LIFR: variants seen among roughly 807,000 people sequenced by gnomAD.
LIFR encodes leukemia inhibitory factor receptor.
In LIFR, 84 loss-of-function variants were observed where a neutral mutation model predicts 122.2. The observed-to-expected ratio is 0.69, with a 90% CI of 0.58 to 0.82. The LOEUF (loss-of-function observed/expected upper bound fraction) is 0.82. LIFR is among the 40% of genes least tolerant of loss of function. The probability of loss-of-function intolerance (pLI) is 0.00; values close to 1 mark genes in which losing one functional copy is unlikely to be tolerated. For missense variants in LIFR, 1,294 were observed against 1,311.6 expected, an observed-to-expected ratio of 0.99 and a Z score of 0.21; for synonymous variants, 422 against 434.7, an observed-to-expected ratio of 0.97 and a Z score of 0.36.
chr5:38,510,638 T>A lies in LIFR; in HGVS notation c.817A>T (p.Ser273Cys). 1 of 1,613,986 alleles carries A rather than the reference T, an allele frequency of 6.2e-7. No homozygotes were observed. The highest frequency in any genetic ancestry group is 8.5e-7 in the Non-Finnish European group (1 of 1,179,914). Residue 273 changes from serine (S) to cysteine (C), a missense_variant, in exon 7 of 20, where the codon AGT becomes TGT. Coordinates refer to ENST00000453190, the MANE Select transcript of LIFR (RefSeq NM_001127671.2). Reference sequence around the variant, plus strand: ...AGTGCTGATAACACTTTTTCTTGACTCACACAACAAAATGTTATGTCTGAG... The same window carrying A: ...AGTGCTGATAACACTTTTTCTTGACACACACAACAAAATGTTATGTCTGAG... ...VGSDITFCCV[S>C]QEKVLSALIG...
intron 1 of LIFR, among the ~76,000 whole-genome samples, chr5:38,581,890 T>A (rs886278430): frequency 6.6e-6 from 1 of 152,060 alleles, no homozygotes; most frequent in African/African-American, 2.4e-5. Context: ...CCACCACACA[T>A]TCCTCCTTTT....
In LIFR at chr5:38,528,595, C is replaced by T. The variant is rs113614932; in HGVS notation, c.257+131G>A. 2.0e-3 allele frequency: 1,450 copies of T among 714,066 alleles called. 17 individuals are homozygous for T. The highest frequency in any genetic ancestry group is 0.017 in the South Asian group (1,069 of 63,410). The allele number at this position is 714,066 out of a possible 1,614,324, so 44.2% of individuals were successfully genotyped here. A position where few individuals can be genotyped will look rare whatever the true frequency, so the allele number is the denominator to read the frequency against. On this transcript the variant is annotated intron_variant, in intron 3 of 19. Coordinates refer to ENST00000453190, the MANE Select transcript of LIFR (RefSeq NM_001127671.2). ...CAGGAGAAAAATGAGGCAGAGGTCA[C>T]GGCAGACTCTGCTGGACACAGAACA...
intron 1 of LIFR, among the ~76,000 whole-genome samples, chr5:38,555,764 G>A (rs928628158): frequency 1.3e-5 from 2 of 152,110 alleles, no homozygotes; most frequent in African/African-American, 4.8e-5. Flanking sequence ...TGTAAATTCA[G>A]AACACGTGAT....
rs955722897 is a variant in LIFR, at chr5:38,478,225, G to A, written c.*3370C>T. On this transcript the variant is annotated 3_prime_UTR_variant, in exon 20 of 20. Transcript: ENST00000453190. ...TTTCCAACAAGAATACAATATGCATGAAGTTTTGAAAATGTGACTTTTTAC... is the reference window on the plus strand; with the variant it reads ...TTTCCAACAAGAATACAATATGCATAAAGTTTTGAAAATGTGACTTTTTAC... The A allele has an allele frequency of 5.8e-5, 12 of 206,702 alleles. No homozygotes were observed. Among genetic ancestry groups the A allele is most frequent in the African/African-American group, 2.7e-4 (12 of 43,834 alleles). The allele number at this position is 206,702 out of a possible 1,614,324, so 12.8% of individuals were successfully genotyped here.
upstream of LIFR, among the ~76,000 whole-genome samples, chr5:38,559,586 A>G (rs564355814): frequency 2.2e-4 from 33 of 152,360 alleles, no homozygotes; most frequent in Non-Finnish European, 3.7e-4. Context: ...AATAAGTATC[A>G]GAACAAGAAC....
chr5:38,522,139 C>T lies in LIFR; in HGVS notation c.561+1280G>A, dbSNP rs139702149. Among the ~76,000 whole-genome samples the T allele has an allele frequency of 3.3e-5, 5 of 152,314 alleles. No individual in the cohort carries two copies. The East Asian group carries it at 5.8e-4, about 18-fold the overall frequency. ...TAGCCATAGGCATGCAAGTGGGGAA[C>T]GCACAATTTGCATTCTAGTCTCAGT... On this transcript the variant is annotated intron_variant, in intron 5 of 19. Coordinates refer to ENST00000453190, the MANE Select transcript of LIFR (RefSeq NM_001127671.2).
rs756149177 is a variant in LIFR at position 38,482,181 on chromosome 5, C to T, written c.2708G>A (p.Cys903Tyr). The change falls in exon 20 of 20, where the codon TGT becomes TAT. Residue 903 changes from cysteine (C) to tyrosine (Y), a missense_variant. Coordinates refer to ENST00000453190, the MANE Select transcript of LIFR (RefSeq NM_001127671.2). Reference protein sequence around the residue: ...SALKTLEMNPCTPNNVEVLET... With the variant: ...SALKTLEMNPYTPNNVEVLET... ...CAGAACCTCAACATTATTTGGGGTA[C>T]AAGGATTCATTTCCAATGTTTTAAG... 6 of 1,596,082 alleles carry T rather than the reference C, an allele frequency of 3.8e-6. No individual in the cohort carries two copies. The highest frequency in any genetic ancestry group is 1.2e-5 in the South Asian group (1 of 86,858).
intron 1 of LIFR, among the ~76,000 whole-genome samples, chr5:38,565,617 C>T (rs1430240899): frequency 1.4e-5 from 2 of 144,430 alleles, no homozygotes; most frequent in East Asian, 2.0e-4. Context: ...GACGGAGTTT[C>T]GCTCTTGTTG....
upstream of LIFR, among the ~76,000 whole-genome samples, chr5:38,598,522 A>G (rs922406291): frequency 6.6e-6 from 1 of 151,722 alleles, no homozygotes; most frequent in Non-Finnish European, 1.5e-5. Flanking sequence ...CACACTTTCA[A>G]TCTGGCTCCT....
Position 38,479,762 on chromosome 5 carries a change from A to G in LIFR, c.*1833T>C, listed in dbSNP as rs940778655. 48 of 231,666 alleles carry G rather than the reference A, an allele frequency of 2.1e-4. No homozygotes were observed. Among genetic ancestry groups the G allele is most frequent in the African/African-American group, 9.5e-4 (43 of 45,284 alleles). The allele number at this position is 231,666 out of a possible 1,614,324, so 14.4% of individuals were successfully genotyped here. ...GTCTGGGGTGGAAGCTAAGGGAAGGAGCCAAAGAGGATACAAAGGAAGACA... is the reference window on the plus strand; with the variant it reads ...GTCTGGGGTGGAAGCTAAGGGAAGGGGCCAAAGAGGATACAAAGGAAGACA... On this transcript the variant is annotated 3_prime_UTR_variant, in exon 20 of 20. Transcript: ENST00000453190.
At chr5:38,558,815 G>A (rs1748719999), upstream of LIFR, 1 of 152,230 alleles carries the variant, frequency 6.6e-6, no homozygotes, top group East Asian at 1.9e-4. Context: ...AGAACAACAC[G>A]GGAAAACTGT....
intron 1 of LIFR, among the ~76,000 whole-genome samples, chr5:38,544,378 G>C (rs1352060164): frequency 6.6e-6 from 1 of 151,966 alleles, no homozygotes; most frequent in Non-Finnish European, 1.5e-5. Context: ...TTTGGTCACC[G>C]GCTTCCAGTC....
In LIFR at chr5:38,481,394, T is replaced by C. The variant is rs982341801; in HGVS notation, c.*201A>G. ...AGCTCCCAATCTTGAGTTTTGTGGA[T>C]TGAGGATTCTGAGTCACTATACTTT... On this transcript the variant is annotated 3_prime_UTR_variant, in exon 20 of 20. Transcript: ENST00000453190. 12 of 613,416 alleles carry C rather than the reference T, an allele frequency of 2.0e-5. No individual in the cohort carries two copies. Among genetic ancestry groups the C allele is most frequent in the Non-Finnish European group, 3.2e-5 (11 of 348,830 alleles). 38.0% of individuals were successfully genotyped at this position (613,416 alleles called of 1,614,324 possible). A position where few individuals can be genotyped will look rare whatever the true frequency, so the allele number is the denominator to read the frequency against.
intron 1 of LIFR, among the ~76,000 whole-genome samples, chr5:38,561,748 A>G (rs969176194): frequency 2.0e-5 from 3 of 152,190 alleles, no homozygotes; most frequent in African/African-American, 7.2e-5. Context: ...CTAGCCTCCA[A>G]TTGTCCTTGC....
chr5:38,557,277 A>C (rs1748636954), upstream of LIFR: 1 of 152,022 alleles, frequency 6.6e-6, no homozygotes, highest in African/African-American at 2.4e-5. Flanking sequence ...GGGTGGGCTT[A>C]TTTGTGCGGA....
intron 1 of LIFR, among the ~76,000 whole-genome samples, chr5:38,589,798 T>C (rs1749865704): frequency 6.6e-6 from 1 of 151,878 alleles, no homozygotes; most frequent in South Asian, 2.1e-4. Context: ...CCACCACTTG[T>C]AAAGGGAGTC....
At position 38,478,517 on chromosome 5, in the gene LIFR, T is replaced by G. The variant is rs1340762932; in HGVS notation, c.*3078A>C. On this transcript the variant is annotated 3_prime_UTR_variant, in exon 20 of 20. Transcript: ENST00000453190. ...AATTCAACAAATTGATGACCTAGAT[T>G]GCATACATGTGCTAATCTATGCAAT... 9.9e-6 allele frequency: 2 copies of G among 202,596 alleles called. No individual in the cohort carries two copies. The allele number at this position is 202,596 out of a possible 1,614,324, so 12.5% of individuals were successfully genotyped here.
At chr5:38,505,655 G>C (rs929446874) in intron 9 of LIFR, among the ~76,000 whole-genome samples, 1 of 151,850 alleles carries the variant, frequency 6.6e-6, no homozygotes, top group Non-Finnish European at 1.5e-5. Flanking sequence ...TTTAAAAATT[G>C]GGCAGAAGAT....
intron 1 of LIFR, among the ~76,000 whole-genome samples, chr5:38,539,093 T>C (rs1747445711): frequency 1.3e-5 from 2 of 152,132 alleles, no homozygotes; most frequent in African/African-American, 4.8e-5. Flanking sequence ...CCCGAGTAGC[T>C]GGGACTACAG....
Sources: allele counts gnomAD v4.1 joint callset (sites outside exome capture counted in the v4.1 genomes callset), GRCh38; gene constraint gnomAD v4.1.1; transcripts MANE v1.5; gene names NCBI Gene and HGNC (gene_info 2026-07-23, HGNC 2026-07-21).